The following LAX1 variants were observed in gnomAD, a reference collection of about 807,000 sequenced individuals.
LAX1 encodes the protein lymphocyte transmembrane adapter 1.
A neutral mutation model predicts 20.7 loss-of-function variants in LAX1; 17 were observed. The observed-to-expected ratio is 0.82, with a 90% CI of 0.56 to 1.23. The LOEUF is 1.23. Among genes scored for constraint, LAX1 ranks in the 50% most tolerant of loss-of-function variants. The pLI, the probability that LAX1 is intolerant of heterozygous loss-of-function variation, is 0.00. For missense variants in LAX1, 470 were observed against 487.0 expected (o/e 0.97, Z 0.33); for synonymous variants, 165 against 181.0 (o/e 0.91, Z 0.71).
rs1447260686 is a variant in LAX1, at chr1:203,774,004, A to G, written c.520A>G (p.Ile174Val). The change falls in exon 5 of 5, where the codon ATC (isoleucine) becomes GTC (valine). Residue 174 changes from isoleucine (I) to valine (V), a missense_variant. By Grantham distance (29) the Ile-to-Val change is conservative (BLOSUM62 3). Transcript: ENST00000442561. ...GAACCTCACTCCCTCGGCACACTGC[A>G]TCAATGTCAGAGCTTCCAGAGACTG... is the stretch of plus-strand genomic sequence containing the variant. ...CGNLTPSAHC[I>V]NVRASRDCAS... The G allele has an allele frequency of 1.9e-6, 3 of 1,613,960 alleles. No homozygotes were observed. The highest frequency in any genetic ancestry group is 2.5e-6 in the Non-Finnish European group (3 of 1,180,026).
At position 203,770,557 on chromosome 1, in the gene LAX1, G is replaced by GAAAGAAAGAAAGAAAGAAAGAAAGAA. The variant is rs1558070963; in HGVS notation, c.90-258_90-257insAAGAAAGAAAGAAAAAGAAAGAAAGA. 1.4e-4 allele frequency among the ~76,000 whole-genome samples: 17 copies of GAAAGAAAGAAAGAAAGAAAGAAAGAA among 117,246 alleles called. 2 individuals are homozygous for GAAAGAAAGAAAGAAAGAAAGAAAGAA. Among genetic ancestry groups the GAAAGAAAGAAAGAAAGAAAGAAAGAA allele is most frequent in the African/African-American group, 5.5e-4 (17 of 31,122 alleles). 76.9% of individuals were successfully genotyped at this position (117,246 alleles called of 152,430 possible). On this transcript the variant is annotated intron_variant, in intron 1 of 4. Coordinates refer to ENST00000442561, the MANE Select transcript of LAX1 (RefSeq NM_017773.4). ...AGAAAGAAAGAAAGAAAGAAAGAAA[G>GAAAGAAAGAAAGAAAGAAAGAAAGAA]AAAGAAAGAAAGAGATTAATAAGTT...
intron 4 of LAX1, among the ~76,000 whole-genome samples, chr1:203,773,263 G>T (rs539950249): frequency 6.6e-6 from 1 of 151,922 alleles, no homozygotes; most frequent in Admixed American, 6.6e-5. Context: ...TCTGCTGCCC[G>T]GTAACAGAAC....
chr1:203,772,091 C>T lies in LAX1; in HGVS notation c.334C>T (p.Arg112Cys), dbSNP rs762854907. 51 of 1,613,666 alleles carry T rather than the reference C, an allele frequency of 3.2e-5. No individual in the cohort carries two copies. In the Middle Eastern group the frequency reaches 6.6e-4, roughly 21 times the overall value. ...AGGGAGACATGAGTCGAGGAGTATG[C>T]GCATTTTCAGTACTGAGAGCCTCCT... The part of the protein sequence containing the change: ...DLGRHESRSM[R>C]IFSTESLLSR... The change falls in exon 4 of 5, where the codon CGC becomes TGC. Residue 112 changes from arginine to cysteine, a missense_variant. By Grantham distance (180) the Arg-to-Cys change is radical. Coordinates refer to ENST00000442561, the MANE Select transcript of LAX1 (RefSeq NM_017773.4).
chr1:203,774,754 G>A lies in LAX1; in HGVS notation c.*73G>A. On this transcript the variant is annotated 3_prime_UTR_variant, in exon 5 of 5. Transcript: ENST00000442561. ...AGGATTGACTACTGCAGAGTCTAGT[G>A]CAGACCCGTGATCACCTTAGTGCTT... 8.0e-7 allele frequency: 1 copy of A among 1,251,110 alleles called. No individual in the cohort carries two copies. Among genetic ancestry groups the A allele is most frequent in the Non-Finnish European group, 1.1e-6 (1 of 889,746 alleles). 77.5% of individuals were successfully genotyped at this position (1,251,110 alleles called of 1,614,324 possible).
At chr1:203,767,592 G>A (rs1362647142) in intron 1 of LAX1, among the ~76,000 whole-genome samples, 1 of 152,082 alleles carries the variant, frequency 6.6e-6, no homozygotes, top group Non-Finnish European at 1.5e-5. Flanking sequence ...ACAGACATGA[G>A]CCACCATGCC....
Position 203,773,910 on chromosome 1 carries a change from A to C in LAX1, c.426A>C (p.Thr142=). The C allele has an allele frequency of 6.2e-7, 1 of 1,613,634 alleles. No individual in the cohort carries two copies. The highest frequency in any genetic ancestry group is 8.5e-7 in the Non-Finnish European group (1 of 1,179,892). ...SQAGNAFQEH[T]AHIHATEYAV... ...CAGGCAATGCCTTCCAGGAGCATAC[A>C]GCCCACATCCATGCCACAGAGTACG... is the stretch of plus-strand genomic sequence containing the variant. The change falls in exon 5 of 5, where the codon ACA becomes ACC. Residue 142 remains threonine (T), a synonymous_variant. Coordinates refer to ENST00000442561, the MANE Select transcript of LAX1 (RefSeq NM_017773.4).
intron 3 of LAX1, 80 bp downstream of exon 3, chr1:203,771,557 A>C: frequency 2.3e-6 from 2 of 885,074 alleles, no homozygotes; most frequent in Non-Finnish European, 3.9e-6. Context: ...CTCCAGAAGC[A>C]ATTTTCTTTA....
At chr1:203,769,095 G>T (rs1374541047) in intron 1 of LAX1, among the ~76,000 whole-genome samples, 1 of 151,956 alleles carries the variant, frequency 6.6e-6, no homozygotes, top group Non-Finnish European at 1.5e-5. Flanking sequence ...ATGCTCACTA[G>T]AAACTTGGAT....
chr1:203,770,066 C>T (rs191303368), intron 1 of LAX1, among the ~76,000 whole-genome samples: 42 of 152,086 alleles, frequency 2.8e-4, no homozygotes. Flanking sequence ...CTTTACCTTT[C>T]TGAGTCTAAA....
intron 1 of LAX1, among the ~76,000 whole-genome samples, chr1:203,767,702 T>A (rs953947352): frequency 2.6e-5 from 4 of 152,216 alleles, no homozygotes; most frequent in Non-Finnish European, 5.9e-5. Flanking sequence ...AATTCATTTG[T>A]TTATTAATTC....
chr1:203,769,321 G>T (rs1414957199), intron 1 of LAX1, among the ~76,000 whole-genome samples: 1 of 151,350 alleles, frequency 6.6e-6, no homozygotes, highest in Non-Finnish European at 1.5e-5. Flanking sequence ...GAACCTGGGA[G>T]GCAGAGGTTG....
rs1558069922 is a variant in LAX1, at chr1:203,769,438, AAAGAAGGAAAGAAAGAAAAGAAAAG to A, written c.90-1387_90-1363del. On this transcript the variant is annotated intron_variant, in intron 1 of 4. Coordinates refer to ENST00000442561, the MANE Select transcript of LAX1 (RefSeq NM_017773.4). The stretch of plus-strand genomic sequence containing the variant: ...GAAAGAAAGAAAGAAAGAAAGAAAG[AAAGAAGGAAAGAAAGAAAAGAAAAG>A]AAAGAAAGTTGTATAAATAAGCCTA... Among the ~76,000 whole-genome samples the A allele has an allele frequency of 4.7e-4, 43 of 91,300 alleles. 1 individual carries two copies. In the East Asian group the frequency reaches 5.1e-3, roughly 11 times the overall value. The allele number at this position is 91,300 out of a possible 152,430, so 59.9% of individuals were successfully genotyped here.
Position 203,771,525 on chromosome 1 carries a change from C to T in LAX1, c.310+48C>T, listed in dbSNP as rs1435369360. 2.6e-6 allele frequency: 3 copies of T among 1,144,730 alleles called. No individual in the cohort carries two copies. The Admixed American group carries it at 5.1e-5, about 19-fold the overall frequency. The allele number at this position is 1,144,730 out of a possible 1,614,324, so 70.9% of individuals were successfully genotyped here. On this transcript the variant is annotated intron_variant, in intron 3 of 4. Coordinates refer to ENST00000442561, the MANE Select transcript of LAX1 (RefSeq NM_017773.4). ...TGGAGTCCAGATATTCGAACTTCTA[C>T]TCCCAGAATGTGCCTCTCACCCTCC...
chr1:203,770,937 C>G lies in LAX1; in HGVS notation c.199C>G (p.Arg67Gly), dbSNP rs778198640. The G allele has an allele frequency of 1.2e-6, 2 of 1,605,188 alleles. No homozygotes were observed. Among genetic ancestry groups the G allele is most frequent in the Admixed American group, 3.3e-5 (2 of 59,994 alleles). ...ILWNWNKRKK[R>G]QVPYLRVTVM... ...GTGGAATTGGAATAAACGGAAGAAG[C>G]GTGAGTCCCTTGTTTGTCCTGAGTT... The change falls in exon 2 of 5, where the codon CGA (arginine) becomes GGA (glycine). Residue 67 changes from arginine to glycine, a missense_variant and splice_region_variant. Physicochemically the swap from Arg to Gly is moderately radical, Grantham distance 125 (BLOSUM62 -2). Transcript: ENST00000442561.
chr1:203,770,514 A>G (rs374430883), intron 1 of LAX1, among the ~76,000 whole-genome samples: 140 of 106,560 alleles, frequency 1.3e-3, no homozygotes, highest in Non-Finnish European at 1.6e-3. Context: ...AGGAAGGAAG[A>G]AAGAAAGAAA....
chr1:203,766,416 C>T (rs1041536732), intron 1 of LAX1, among the ~76,000 whole-genome samples: 9 of 152,138 alleles, frequency 5.9e-5, no homozygotes, highest in African/African-American at 2.2e-4. Context: ...ACCCGGGAAA[C>T]AGAGGTTGCA....
rs748184279 is a variant in LAX1 at position 203,774,637 on chromosome 1, G to A, written c.1153G>A (p.Asp385Asn). Residue 385 changes from aspartate (D) to asparagine (N), a missense_variant, in exon 5 of 5, where the codon GAC (aspartate) becomes AAC (asparagine). Transcript: ENST00000442561. ...GCTAACTGCCAAGTTAGGAGGCAGG[G>A]ACTCTGAGCAGGGGCCTGGCACTCA... ...NVLTAKLGGRDSEQGPGTQLL... is the reference protein window; with the variant it reads ...NVLTAKLGGRNSEQGPGTQLL... 20 of 1,614,196 alleles carry A rather than the reference G, an allele frequency of 1.2e-5. No individual in the cohort carries two copies. Among genetic ancestry groups the A allele is most frequent in the Admixed American group, 1.7e-5 (1 of 60,016 alleles).
chr1:203,772,911 A>G (rs1366856534), intron 4 of LAX1, among the ~76,000 whole-genome samples: 1 of 147,042 alleles, frequency 6.8e-6, no homozygotes, highest in Non-Finnish European at 1.5e-5. Flanking sequence ...CCTGAGCTCA[A>G]GCAATCTGCC....
rs1214729937 is a variant in LAX1, at chr1:203,775,099, A to G, written c.*418A>G. On this transcript the variant is annotated 3_prime_UTR_variant, in exon 5 of 5. Coordinates refer to ENST00000442561, the MANE Select transcript of LAX1 (RefSeq NM_017773.4). ...GAGTGGAGTGGGGTGGGCAATTTCC[A>G]TTTTAAAGAGTGTAGGCAGGCCAGG... 1.1e-5 allele frequency: 2 copies of G among 179,660 alleles called. No homozygotes were observed. The highest frequency in any genetic ancestry group is 4.8e-5 in the African/African-American group (2 of 41,916). 11.1% of individuals were successfully genotyped at this position (179,660 alleles called of 1,614,324 possible). A position where few individuals can be genotyped will look rare whatever the true frequency, so the allele number is the denominator to read the frequency against.
Sources: allele counts gnomAD v4.1 joint callset (sites outside exome capture counted in the v4.1 genomes callset), GRCh38; gene constraint gnomAD v4.1.1; transcripts MANE v1.5; gene names NCBI Gene and HGNC (gene_info 2026-07-23, HGNC 2026-07-21).